The following WDR7 variants were observed in gnomAD, a reference collection of about 807,000 sequenced individuals.
WDR7 encodes WD repeat domain 7.
A neutral mutation model predicts 169.4 loss-of-function variants in WDR7; 46 were observed. The observed-to-expected ratio is 0.27, with a 90% CI of 0.21 to 0.35. The LOEUF (loss-of-function observed/expected upper bound fraction) is 0.35. Among genes scored for constraint, WDR7 ranks in the 10% least tolerant of loss-of-function variants. WDR7 has a pLI of 1.00. For missense variants in WDR7, 1,534 were observed against 1,859.3 expected (o/e 0.83, Z 3.22); for synonymous variants, 612 against 666.8 (o/e 0.92, Z 1.27).
At chr18:56,754,962 T>C (rs570197239) in intron 14 of WDR7, among the ~76,000 whole-genome samples, 3 of 152,340 alleles carry the variant, frequency 2.0e-5, no homozygotes, top group African/African-American at 7.2e-5. Context: ...TACTGTTTGC[T>C]AATAAGTTAA....
chr18:56,970,300 A>C (rs1258320443), intron 26 of WDR7, among the ~76,000 whole-genome samples: 3 of 151,566 alleles, frequency 2.0e-5, no homozygotes, highest in Middle Eastern at 3.4e-3. Context: ...AATGAATACA[A>C]CATTCAAGAT....
At chr18:56,975,216 A>G (rs1296165115) in intron 26 of WDR7, among the ~76,000 whole-genome samples, 2 of 151,942 alleles carry the variant, frequency 1.3e-5, no homozygotes, top group Non-Finnish European at 2.9e-5. Flanking sequence ...AGCCTAGGCG[A>G]CAGAGCAAGA....
At chr18:56,785,079 G>T (rs2044377304) in intron 19 of WDR7, among the ~76,000 whole-genome samples, 1 of 152,030 alleles carries the variant, frequency 6.6e-6, no homozygotes, top group South Asian at 2.1e-4. Flanking sequence ...TTAATAAAAG[G>T]GTGTCAGGCT....
intron 13 of WDR7, among the ~76,000 whole-genome samples, chr18:56,722,710 G>T (rs2026348906): frequency 6.6e-6 from 1 of 152,020 alleles, no homozygotes; most frequent in Admixed American, 6.6e-5. Context: ...GAAGGAAGGG[G>T]TTGTTAGAGT....
intron 1 of WDR7, among the ~76,000 whole-genome samples, chr18:56,655,347 T>A (rs530938062): frequency 7.9e-5 from 12 of 152,266 alleles, no homozygotes; most frequent in African/African-American, 2.9e-4. Context: ...AGAGCTAGGC[T>A]GATGTGGTTG....
intron 25 of WDR7, 144 bp downstream of exon 25, chr18:56,939,537 G>T: frequency 2.0e-6 from 1 of 504,884 alleles, no homozygotes; most frequent in Non-Finnish European, 3.3e-6. Flanking sequence ...AACAATATGG[G>T]CAGGTTACAG....
chr18:56,916,266 C>G (rs146231074), intron 21 of WDR7, among the ~76,000 whole-genome samples: 7 of 151,758 alleles, frequency 4.6e-5, no homozygotes, highest in East Asian at 3.9e-4. Context: ...ATCCCTCCCC[C>G]CTCCCGCCAC....
chr18:56,848,367 C>A (rs1483005348), intron 20 of WDR7, among the ~76,000 whole-genome samples: 1 of 152,132 alleles, frequency 6.6e-6, no homozygotes, highest in African/African-American at 2.4e-5. Context: ...TTTTATTTCA[C>A]AGGCTCATAG....
chr18:56,963,802 AG>A (rs2047368071), intron 26 of WDR7, among the ~76,000 whole-genome samples: 1 of 152,186 alleles, frequency 6.6e-6, no homozygotes. Context: ...GTTATTTATA[AG>A]ATCCTTTCAT....
intron 13 of WDR7, among the ~76,000 whole-genome samples, chr18:56,720,379 G>A (rs1394870823): frequency 6.6e-6 from 1 of 152,056 alleles, no homozygotes; most frequent in Admixed American, 6.5e-5. Flanking sequence ...AGACCAGGAG[G>A]TCGAGGCTAC....
chr18:56,735,207 G>A (rs1599001876), intron 14 of WDR7, among the ~76,000 whole-genome samples: 1 of 152,126 alleles, frequency 6.6e-6, no homozygotes, highest in Non-Finnish European at 1.5e-5. Context: ...ATGTGGAAAA[G>A]GGGATGGTTA....
At chr18:56,702,105 G>A (rs561388231) in intron 12 of WDR7, among the ~76,000 whole-genome samples, 1 of 152,222 alleles carries the variant, frequency 6.6e-6, no homozygotes, top group South Asian at 2.1e-4. Context: ...GAAGAGAGCT[G>A]GTGAAAGGGA....
chr18:56,909,220 A>G (rs748988446), intron 21 of WDR7, among the ~76,000 whole-genome samples: 1 of 114,526 alleles, frequency 8.7e-6, no homozygotes, highest in Non-Finnish European at 2.0e-5. Flanking sequence ...CCTACCATCC[A>G]TAGATTTTTA....
intron 19 of WDR7, among the ~76,000 whole-genome samples, chr18:56,812,568 G>C (rs1272324644): frequency 6.6e-6 from 1 of 152,166 alleles, no homozygotes; most frequent in Non-Finnish European, 1.5e-5. Context: ...CGAAGCTGGT[G>C]GTGGGGCTCA....
intron 16 of WDR7, among the ~76,000 whole-genome samples, chr18:56,773,813 G>A (rs963629821): frequency 6.6e-6 from 1 of 152,090 alleles, no homozygotes; most frequent in African/African-American, 2.4e-5. Flanking sequence ...CAGACTCAGT[G>A]CCGAATGCCT....
chr18:56,932,081 A>C (rs766840504), intron 22 of WDR7, among the ~76,000 whole-genome samples: 14 of 152,116 alleles, frequency 9.2e-5, no homozygotes, highest in Non-Finnish European at 1.6e-4. Context: ...AGACTAGAGG[A>C]GGGACACAAG....
chr18:56,667,883 T>C (rs1372726998), intron 1 of WDR7, among the ~76,000 whole-genome samples: 1 of 152,208 alleles, frequency 6.6e-6, no homozygotes, highest in Non-Finnish European at 1.5e-5. Context: ...GTAGATGTTG[T>C]GCTAAGCATC....
Position 56,880,183 on chromosome 18 carries a change from T to C in WDR7, c.3526+18T>C, listed in dbSNP as rs1302397002. ...ACATACTTGTAAGTTTTAAAACTTC[T>C]AATGCTGATCTGTTGCTTCTGAATA... On this transcript the variant is annotated intron_variant, in intron 21 of 27. Coordinates refer to ENST00000254442, the MANE Select transcript of WDR7 (RefSeq NM_015285.3). 6.2e-7 allele frequency: 1 copy of C among 1,606,352 alleles called. No homozygotes were observed. Among genetic ancestry groups the C allele is most frequent in the Non-Finnish European group, 8.5e-7 (1 of 1,174,960 alleles).
At chr18:56,951,043 A>G (rs1212095794) in intron 25 of WDR7, among the ~76,000 whole-genome samples, 2 of 151,946 alleles carry the variant, frequency 1.3e-5, no homozygotes, top group Non-Finnish European at 2.9e-5. Flanking sequence ...TGTTGTTGCT[A>G]TTTCCTCTGC....
Sources: gnomAD v4.1 joint callset for allele counts (sites outside exome capture counted in the v4.1 genomes callset) on GRCh38, gnomAD v4.1.1 for gene constraint, MANE v1.5 for transcripts, NCBI Gene and HGNC (gene_info 2026-07-23, HGNC 2026-07-21) for gene names.